Variants in ARL15 observed in about 807,000 individuals in gnomAD.
ARL15 encodes ARF like GTPase 15, also known as ADP-ribosylation factor-like protein 15.
Under a neutral mutation model 25.2 loss-of-function variants are expected in ARL15, and 19 were observed. That is an observed-to-expected ratio of 0.75 (90% CI 0.53 to 1.10). ARL15 has a LOEUF of 1.10. ARL15 is among the 50% of genes least tolerant of loss of function. ARL15 has a pLI of 0.00. For synonymous variants in ARL15, 94 were observed against 86.8 expected, an observed-to-expected ratio of 1.08 and a Z score of -0.46; for missense variants, 220 against 246.0, an observed-to-expected ratio of 0.89 and a Z score of 0.71.
chr5:54,114,531 T>C (rs773301595), intron 3 of ARL15, among the ~76,000 whole-genome samples: 1 of 151,630 alleles, frequency 6.6e-6, no homozygotes. Context: ...ACTGGAATAA[T>C]GAAAATTGAG....
rs1391814556 is a variant in ARL15, at chr5:54,132,718, T to G, written c.254-19308A>C. ...GGGGTGGATTATTCATGCCTCCCCT[T>G]TTTAGACCATATAGGGTAACTTCCT... On this transcript the variant is annotated intron_variant, in intron 3 of 4. Coordinates refer to ENST00000504924, the MANE Select transcript of ARL15 (RefSeq NM_019087.3). Among the ~76,000 whole-genome samples, 3 of 152,274 alleles carry G rather than the reference T, an allele frequency of 2.0e-5. No individual in the cohort carries two copies. The East Asian group carries it at 5.8e-4, about 29-fold the overall frequency.
chr5:54,059,056 T>C (rs1750977883), intron 4 of ARL15, among the ~76,000 whole-genome samples: 1 of 152,146 alleles, frequency 6.6e-6, no homozygotes, highest in African/African-American at 2.4e-5. Context: ...AAAGCCACCT[T>C]CTCCAAGAAA....
intron 1 of ARL15, among the ~76,000 whole-genome samples, chr5:54,309,111 C>T (rs891490887): frequency 3.9e-5 from 6 of 152,174 alleles, no homozygotes; most frequent in Admixed American, 1.3e-4. Flanking sequence ...AGATAATCCC[C>T]GTAACCAGCT....
intron 3 of ARL15, among the ~76,000 whole-genome samples, chr5:54,126,319 T>C (rs1451934526): frequency 6.6e-6 from 1 of 152,228 alleles, no homozygotes; most frequent in Non-Finnish European, 1.5e-5. Context: ...AAACTCAATT[T>C]GTCCCCAAAT....
intron 1 of ARL15, among the ~76,000 whole-genome samples, chr5:54,284,148 G>A (rs1448609140): frequency 6.6e-6 from 1 of 152,152 alleles, no homozygotes; most frequent in Non-Finnish European, 1.5e-5. Context: ...TGGTTGCCCA[G>A]GCTGGAGTAC....
intron 1 of ARL15, among the ~76,000 whole-genome samples, chr5:54,214,294 G>T (rs1756123646): frequency 6.6e-6 from 1 of 152,142 alleles, no homozygotes; most frequent in Non-Finnish European, 1.5e-5. Context: ...TAAAAATTCT[G>T]CAAAGATTCT....
chr5:53,890,457 T>C (rs926877536), intron 4 of ARL15, among the ~76,000 whole-genome samples: 1 of 152,232 alleles, frequency 6.6e-6, no homozygotes, highest in Non-Finnish European at 1.5e-5. Context: ...TTTTGACTAC[T>C]TATCCGTTGC....
chr5:54,305,744 GTCTC>G (rs748149070), intron 1 of ARL15, among the ~76,000 whole-genome samples: 1 of 151,982 alleles, frequency 6.6e-6, no homozygotes, highest in Admixed American at 6.6e-5. Flanking sequence ...TATGAATGTG[GTCTC>G]TCTCTCTCTT....
intron 4 of ARL15, among the ~76,000 whole-genome samples, chr5:54,057,194 TAA>T (rs1204053841): frequency 6.6e-6 from 1 of 152,214 alleles, no homozygotes; most frequent in East Asian, 1.9e-4. Flanking sequence ...TATTTAGGAA[TAA>T]AAGATGTTTA....
At chr5:53,923,203 G>T (rs1265233937) in intron 4 of ARL15, among the ~76,000 whole-genome samples, 2 of 152,110 alleles carry the variant, frequency 1.3e-5, no homozygotes, top group Admixed American at 1.3e-4. Flanking sequence ...GGTGAGTCAG[G>T]ATGGAACTCC....
At chr5:54,017,826 G>C (rs1182930242) in intron 4 of ARL15, among the ~76,000 whole-genome samples, 3 of 151,860 alleles carry the variant, frequency 2.0e-5, no homozygotes, top group Non-Finnish European at 4.4e-5. Flanking sequence ...TTAAGCAATA[G>C]ACAAAAGACA....
intron 4 of ARL15, among the ~76,000 whole-genome samples, chr5:53,949,791 T>A (rs1746883873): frequency 1.3e-5 from 2 of 152,198 alleles, no homozygotes; most frequent in African/African-American, 4.8e-5. Flanking sequence ...TTTTTCAACT[T>A]GATGAAAGGT....
intron 1 of ARL15, among the ~76,000 whole-genome samples, chr5:54,221,870 C>CACAAAAA (rs1756387603): frequency 7.1e-6 from 1 of 140,376 alleles, no homozygotes; most frequent in Admixed American, 7.1e-5. Flanking sequence ...CACACACACA[C>CACAAAAA]AAAACCCTCA....
intron 4 of ARL15, among the ~76,000 whole-genome samples, chr5:53,989,694 C>G (rs561330176): frequency 1.3e-5 from 2 of 151,856 alleles, no homozygotes; most frequent in African/African-American, 4.8e-5. Context: ...GAGAAACTGA[C>G]GATAACTTTT....
At chr5:54,049,873 G>C (rs1484420311) in intron 4 of ARL15, among the ~76,000 whole-genome samples, 2 of 152,158 alleles carry the variant, frequency 1.3e-5, no homozygotes, top group East Asian at 3.9e-4. Context: ...CTCCCAGCCT[G>C]AAATATAGAT....
chr5:53,973,864 C>G (rs1747836182), intron 4 of ARL15, among the ~76,000 whole-genome samples: 1 of 152,004 alleles, frequency 6.6e-6, no homozygotes, highest in Non-Finnish European at 1.5e-5. Flanking sequence ...AGTCATTTAT[C>G]ATATGCATAA....
chr5:54,121,955 C>T (rs1753091278), intron 3 of ARL15, among the ~76,000 whole-genome samples: 1 of 152,136 alleles, frequency 6.6e-6, no homozygotes, highest in South Asian at 2.1e-4. Flanking sequence ...CATTTGTCCA[C>T]CATTTAAGCC....
At chr5:54,049,857 C>A (rs906223180) in intron 4 of ARL15, among the ~76,000 whole-genome samples, 1 of 152,118 alleles carries the variant, frequency 6.6e-6, no homozygotes, top group African/African-American at 2.4e-5. Context: ...CAGGCATGAG[C>A]CACGACTCCC....
At chr5:53,975,693 G>GA (rs1319100783) in intron 4 of ARL15, among the ~76,000 whole-genome samples, 3 of 152,148 alleles carry the variant, frequency 2.0e-5, no homozygotes, top group African/African-American at 7.2e-5. Context: ...GAAATTAAAA[G>GA]AAAAAAGTGT....
Sources: allele counts gnomAD v4.1 joint callset (sites outside exome capture counted in the v4.1 genomes callset), GRCh38; gene constraint gnomAD v4.1.1; transcripts MANE v1.5; gene names NCBI Gene and HGNC (gene_info 2026-07-23, HGNC 2026-07-21).